Variants in PCDHA2 observed in about 807,000 individuals in gnomAD.
PCDHA2 encodes the protein protocadherin alpha-2.
Under a neutral mutation model 66.0 loss-of-function variants are expected in PCDHA2, and 58 were observed. The observed-to-expected ratio is 0.88, with a 90% CI of 0.71 to 1.09. The LOEUF is 1.09. PCDHA2 is among the 50% of genes least tolerant of loss of function. The pLI is 0.00. For missense variants in PCDHA2, 1,267 were observed against 1,242.3 expected, an observed-to-expected ratio of 1.02 and a Z score of -0.30; for synonymous variants, 634 against 554.0, an observed-to-expected ratio of 1.14 and a Z score of -2.03.
intron 1 of PCDHA2, among the ~76,000 whole-genome samples, chr5:140,953,756 G>C (rs2094932328): frequency 6.6e-6 from 1 of 152,208 alleles, no homozygotes; most frequent in South Asian, 2.1e-4. Context: ...ATTTATCCAA[G>C]AATTAAATTT....
intron 1 of PCDHA2, among the ~76,000 whole-genome samples, chr5:140,973,232 G>GA (rs2096577680): frequency 6.6e-6 from 1 of 152,196 alleles, no homozygotes; most frequent in African/African-American, 2.4e-5. Flanking sequence ...ATAGTGACCT[G>GA]AAAGAGTTAA....
intron 1 of PCDHA2, chr5:140,816,520 T>A (rs909613527): frequency 6.6e-6 from 1 of 152,074 alleles, no homozygotes; most frequent in Non-Finnish European, 1.5e-5. Flanking sequence ...TGTGTGTGTG[T>A]GTGTGTGTGT....
rs2150292750 is a variant in PCDHA2, at chr5:140,838,829, G to C, written c.2388+41477G>C. ...TTCAGCTACTCAAGAAACTGAGGTG[G>C]GAGGATCACTTAAGCCAGGGAGGTC... On this transcript the variant is annotated intron_variant, in intron 1 of 3. Coordinates refer to ENST00000526136, the MANE Select transcript of PCDHA2 (RefSeq NM_018905.3). Among the ~76,000 whole-genome samples, 185 of 151,952 alleles carry C rather than the reference G, an allele frequency of 1.2e-3. 4 individuals carry two copies. Among genetic ancestry groups the C allele is most frequent in the African/African-American group, 4.4e-3 (182 of 41,404 alleles).
intron 1 of PCDHA2, chr5:140,835,213 T>C: frequency 1.3e-6 from 2 of 1,576,900 alleles, no homozygotes; most frequent in Non-Finnish European, 1.7e-6. Context: ...AATGGGGATA[T>C]TATTTACTCC....
Position 140,959,507 on chromosome 5 carries a change from T to C in PCDHA2, c.2389-19442T>C, listed in dbSNP as rs144994756. 4.4e-3 allele frequency among the ~76,000 whole-genome samples: 673 copies of C among 152,282 alleles called. 7 individuals are homozygous for C. Among genetic ancestry groups the C allele is most frequent in the African/African-American group, 0.015 (604 of 41,550 alleles). On this transcript the variant is annotated intron_variant, in intron 1 of 3. Coordinates refer to ENST00000526136, the MANE Select transcript of PCDHA2 (RefSeq NM_018905.3). Reference sequence around the variant, plus strand: ...GTTATATATGGATCAAACTAAAAAATTTTAAGATCTTTAAGACCATTAATT... The same window carrying C: ...GTTATATATGGATCAAACTAAAAAACTTTAAGATCTTTAAGACCATTAATT...
chr5:140,942,990 C>T (rs1460211642), intron 1 of PCDHA2, among the ~76,000 whole-genome samples: 4 of 151,892 alleles, frequency 2.6e-5, no homozygotes, highest in Non-Finnish European at 5.9e-5. Context: ...GGTGTGGTGG[C>T]TCATGCCTGT....
At position 140,796,400 on chromosome 5, in the gene PCDHA2, C is replaced by G. The variant is rs202116317; in HGVS notation, c.1436C>G (p.Ala479Gly). The part of the protein sequence containing the change: ...PPGCHIFTVS[A>G]WDADAQENAL... ...GGCTGCCACATCTTCACGGTGTCAG[C>G]GTGGGATGCGGACGCGCAGGAGAAC... Residue 479 changes from alanine to glycine, a missense_variant, in exon 1 of 4, where the codon GCG becomes GGG. Ala to Gly is a moderately conservative substitution (Grantham distance 60). Transcript: ENST00000526136. 3.1e-6 allele frequency: 5 copies of G among 1,613,870 alleles called. No individual in the cohort carries two copies. Among genetic ancestry groups the G allele is most frequent in the African/African-American group, 1.3e-5 (1 of 74,994 alleles).
chr5:140,982,633 A>G (rs2096992474), intron 3 of PCDHA2, 70 bp downstream of exon 3: 1 of 1,557,590 alleles, frequency 6.4e-7, no homozygotes, highest in Non-Finnish European at 8.7e-7. Flanking sequence ...CTTTTGTAAG[A>G]TCAGGAATGT....
In PCDHA2 at chr5:140,842,941, G is replaced by T. The variant is rs1388720747; in HGVS notation, c.2388+45589G>T. 6 of 1,594,648 alleles carry T rather than the reference G, an allele frequency of 3.8e-6. No homozygotes were observed. The East Asian group carries it at 8.9e-5, about 24-fold the overall frequency. ...AGTTCCAGGTGAGCGCGCGCGACGC[G>T]GGCGTGCCGCCTCTGGGCAGCAACG... On this transcript the variant is annotated intron_variant, in intron 1 of 3. Coordinates refer to ENST00000526136, the MANE Select transcript of PCDHA2 (RefSeq NM_018905.3).
rs2150163807 is a variant in PCDHA2, at chr5:140,829,203, T to G, written c.2388+31851T>G. 22 of 1,614,238 alleles carry G rather than the reference T, an allele frequency of 1.4e-5. No homozygotes were observed. In the South Asian group the frequency reaches 1.5e-4, roughly 11 times the overall value. On this transcript the variant is annotated intron_variant, in intron 1 of 3. Coordinates refer to ENST00000526136, the MANE Select transcript of PCDHA2 (RefSeq NM_018905.3). ...GCTCAATTTGGTACTGTCATCGCCCTAATTAGCGTGAACGACCTCGATTCA... is the reference window on the plus strand; with the variant it reads ...GCTCAATTTGGTACTGTCATCGCCCGAATTAGCGTGAACGACCTCGATTCA...
At chr5:140,850,020 T>C (rs2150463702) in intron 1 of PCDHA2, 2 of 1,596,646 alleles carry the variant, frequency 1.3e-6, no homozygotes, top group African/African-American at 1.3e-5. Flanking sequence ...GAGCTACGTG[T>C]CAGTGCACGC....
At chr5:140,965,343 T>C (rs1460433512) in intron 1 of PCDHA2, among the ~76,000 whole-genome samples, 1 of 152,154 alleles carries the variant, frequency 6.6e-6, no homozygotes, top group Admixed American at 6.5e-5. Flanking sequence ...TGTCTCTGTG[T>C]TGCCTCTATA....
At chr5:140,910,874 A>T (rs1285814930) in intron 1 of PCDHA2, among the ~76,000 whole-genome samples, 2 of 151,996 alleles carry the variant, frequency 1.3e-5, no homozygotes, top group African/African-American at 4.8e-5. Flanking sequence ...ATTATCCCAC[A>T]CCCTTAATAT....
At chr5:140,891,025 T>G (rs1554184622) in intron 1 of PCDHA2, among the ~76,000 whole-genome samples, 1 of 151,814 alleles carries the variant, frequency 6.6e-6, no homozygotes, top group African/African-American at 2.4e-5. Flanking sequence ...TCTGAGGGTA[T>G]AATCTTAGGT....
intron 1 of PCDHA2, chr5:140,842,938 C>A: frequency 1.3e-6 from 2 of 1,594,552 alleles, no homozygotes; most frequent in East Asian, 2.2e-5. Context: ...GCGCGCGCGA[C>A]GCGGGCGTGC....
At chr5:140,984,307 G>T (rs2153833813) in intron 3 of PCDHA2, among the ~76,000 whole-genome samples, 1 of 152,288 alleles carries the variant, frequency 6.6e-6, no homozygotes, top group Non-Finnish European at 1.5e-5. Context: ...GCTGGTTGGT[G>T]TGTATTCCTA....
chr5:140,911,052 G>T (rs1172408042), intron 1 of PCDHA2, among the ~76,000 whole-genome samples: 1 of 152,044 alleles, frequency 6.6e-6, no homozygotes, highest in Non-Finnish European at 1.5e-5. Context: ...AGGGGTGGTG[G>T]GGGGTGGGTC....
intron 1 of PCDHA2, chr5:140,807,308 C>T (rs1554123867): frequency 1.9e-6 from 3 of 1,614,140 alleles, no homozygotes; most frequent in Non-Finnish European, 1.7e-6. Context: ...GGAGGCCAAA[C>T]ACGGCACCTT....
At chr5:140,971,527 A>G (rs116818549) in intron 1 of PCDHA2, among the ~76,000 whole-genome samples, 2,035 of 152,284 alleles carry the variant, frequency 0.013, 20 homozygotes, top group Middle Eastern at 0.054. Context: ...CAGTTCTGAA[A>G]GTCATCATTG....
Sources: allele counts gnomAD v4.1 joint callset (sites outside exome capture counted in the v4.1 genomes callset), GRCh38; gene constraint gnomAD v4.1.1; transcripts MANE v1.5; gene names NCBI Gene and HGNC (gene_info 2026-07-23, HGNC 2026-07-21).